The following PLCB1 variants were observed in gnomAD, a reference collection of about 807,000 sequenced individuals.
PLCB1 encodes 1-phosphatidylinositol 4,5-bisphosphate phosphodiesterase beta-1.
PLCB1 carries 46 observed loss-of-function variants against 161.8 expected under a neutral mutation model. The ratio of observed to expected loss-of-function variants is 0.28; its 90% CI spans 0.22 to 0.36. The LOEUF (loss-of-function observed/expected upper bound fraction) is 0.36, where lower values mean the gene tolerates loss of function less well. Ranked by LOEUF, PLCB1 falls within the 10% of genes least tolerant of loss-of-function variation. PLCB1 has a pLI of 1.00. For synonymous variants in PLCB1, 517 were observed against 503.7 expected, an observed-to-expected ratio of 1.03 and a Z score of -0.35; for missense variants, 1,016 against 1,472.5, an observed-to-expected ratio of 0.69 and a Z score of 5.07.
intron 3 of PLCB1, among the ~76,000 whole-genome samples, chr20:8,389,763 A>G (rs142717069): frequency 6.6e-6 from 1 of 152,280 alleles, no homozygotes; most frequent in African/African-American, 2.4e-5. Flanking sequence ...ATGGGTTCTA[A>G]TATAGAGATA....
intron 31 of PLCB1, among the ~76,000 whole-genome samples, chr20:8,860,714 A>G (rs566073961): frequency 6.6e-6 from 1 of 152,242 alleles, no homozygotes; most frequent in Non-Finnish European, 1.5e-5. Flanking sequence ...AGAAATTAGT[A>G]TAATGTCAGT....
chr20:8,462,188 G>A (rs891150047), intron 3 of PLCB1, among the ~76,000 whole-genome samples: 15 of 152,052 alleles, frequency 9.9e-5, no homozygotes, highest in Non-Finnish European at 2.1e-4. Context: ...GTAACATTTC[G>A]CAAGTGTGCA....
At chr20:8,682,665 C>T (rs1285864912) in intron 9 of PLCB1, among the ~76,000 whole-genome samples, 1 of 152,028 alleles carries the variant, frequency 6.6e-6, no homozygotes, top group East Asian at 1.9e-4. Context: ...TCTTAGCAAT[C>T]AAGAATAAAT....
intron 3 of PLCB1, among the ~76,000 whole-genome samples, chr20:8,596,887 G>GATTT (rs1259347667): frequency 3.3e-5 from 5 of 152,252 alleles, no homozygotes; most frequent in African/African-American, 1.2e-4. Flanking sequence ...GTTCACTCAT[G>GATTT]ATTTGGCTCT....
At chr20:8,312,071 A>T (rs1465189422) in intron 2 of PLCB1, among the ~76,000 whole-genome samples, 1 of 152,186 alleles carries the variant, frequency 6.6e-6, no homozygotes, top group Non-Finnish European at 1.5e-5. Context: ...TGGCCTATCC[A>T]GATCCATGTC....
At chr20:8,749,675 A>AT (rs894951090) in intron 23 of PLCB1, among the ~76,000 whole-genome samples, 17 of 152,172 alleles carry the variant, frequency 1.1e-4, no homozygotes, top group African/African-American at 3.6e-4. Flanking sequence ...AAGTTTGTAT[A>AT]TGTAACACAT....
At chr20:8,193,273 G>A (rs1234807419) in intron 2 of PLCB1, among the ~76,000 whole-genome samples, 1 of 151,918 alleles carries the variant, frequency 6.6e-6, no homozygotes, top group African/African-American at 2.4e-5. Flanking sequence ...CTTCTGTAAT[G>A]TATCTTACGG....
chr20:8,856,146 T>TC (rs11483195), intron 31 of PLCB1, among the ~76,000 whole-genome samples: 80,313 of 151,898 alleles, frequency 0.53, 22,054 homozygotes, highest in African/African-American at 0.66. Context: ...ATATTCCTGT[T>TC]TTTTATATTT....
chr20:8,269,902 A>G (rs186532104), intron 2 of PLCB1, among the ~76,000 whole-genome samples: 60 of 152,176 alleles, frequency 3.9e-4, no homozygotes, highest in African/African-American at 1.4e-3. Context: ...CCTTTAAAAA[A>G]AAAAAGCCTG....
At chr20:8,568,819 G>T (rs1986418474) in intron 3 of PLCB1, among the ~76,000 whole-genome samples, 1 of 152,126 alleles carries the variant, frequency 6.6e-6, no homozygotes, top group Non-Finnish European at 1.5e-5. Context: ...GGTACAAAGA[G>T]TTTATCTGGA....
chr20:8,881,507 T>G (rs45591940), intron 31 of PLCB1, 115 bp from the exon 32 acceptor site: 1 of 716,884 alleles, frequency 1.4e-6, no homozygotes, highest in Non-Finnish European at 2.4e-6. Context: ...TGAATGATAT[T>G]TTAAGTTAAT....
chr20:8,200,476 T>G (rs1427890261), intron 2 of PLCB1, among the ~76,000 whole-genome samples: 2 of 152,056 alleles, frequency 1.3e-5, no homozygotes, highest in Non-Finnish European at 2.9e-5. Context: ...AACTTCCCAT[T>G]TTATTTCTAT....
At chr20:8,363,532 TA>T (rs1986610256) in intron 2 of PLCB1, among the ~76,000 whole-genome samples, 1 of 152,198 alleles carries the variant, frequency 6.6e-6, no homozygotes, top group Non-Finnish European at 1.5e-5. Flanking sequence ...CTCTTTTGGC[TA>T]ACTTTATGTT....
At chr20:8,679,233 G>C (rs1023225976) in intron 9 of PLCB1, among the ~76,000 whole-genome samples, 1 of 152,318 alleles carries the variant, frequency 6.6e-6, no homozygotes, top group Non-Finnish European at 1.5e-5. Context: ...TGAAACAAGA[G>C]AGTCAACCCA....
chr20:8,662,543 A>T (rs914155735), intron 9 of PLCB1, among the ~76,000 whole-genome samples: 5 of 144,370 alleles, frequency 3.5e-5, no homozygotes, highest in Admixed American at 7.1e-5. Context: ...TGTAATATAT[A>T]ATTATTTATC....
rs546011547 is a variant in PLCB1 at position 8,651,097 on chromosome 20, T to C, written c.594+1648T>C. 2.6e-5 allele frequency among the ~76,000 whole-genome samples: 4 copies of C among 152,310 alleles called. No homozygotes were observed. The East Asian group carries it at 7.7e-4, about 29-fold the overall frequency. Reference sequence around the variant, plus strand: ...TCCATTGCATAAAATTTTTTTCTCGTGCAGAGCTCTCCTTTCATTATTTTT... The same window carrying C: ...TCCATTGCATAAAATTTTTTTCTCGCGCAGAGCTCTCCTTTCATTATTTTT... On this transcript the variant is annotated intron_variant, in intron 7 of 31. Coordinates refer to ENST00000338037, the MANE Select transcript of PLCB1 (RefSeq NM_015192.4).
intron 2 of PLCB1, among the ~76,000 whole-genome samples, chr20:8,268,897 G>T (rs896717375): frequency 6.6e-6 from 1 of 151,784 alleles, no homozygotes; most frequent in Non-Finnish European, 1.5e-5. Context: ...TACAAAATGA[G>T]ATTAAATTCA....
chr20:8,591,645 A>G (rs1399429857), intron 3 of PLCB1, among the ~76,000 whole-genome samples: 1 of 152,148 alleles, frequency 6.6e-6, no homozygotes, highest in Non-Finnish European at 1.5e-5. Context: ...ATTTTTTGAG[A>G]CTTGCAATTG....
intron 3 of PLCB1, among the ~76,000 whole-genome samples, chr20:8,531,305 A>G (rs1341268328): frequency 6.6e-6 from 1 of 152,126 alleles, no homozygotes; most frequent in African/African-American, 2.4e-5. Context: ...CAGGACTTAC[A>G]CAGGTCTCTA....
Sources: gnomAD v4.1 joint callset for allele counts (sites outside exome capture counted in the v4.1 genomes callset) on GRCh38, gnomAD v4.1.1 for gene constraint, MANE v1.5 for transcripts, NCBI Gene and HGNC (gene_info 2026-07-23, HGNC 2026-07-21) for gene names.